Variants in CDK11A observed in about 807,000 individuals in gnomAD.
CDK11A encodes the protein cyclin dependent kinase 11A.
In CDK11A, 55 loss-of-function variants were observed where a neutral mutation model predicts 83.6. That is an observed-to-expected ratio of 0.66 (90% CI 0.53 to 0.82). CDK11A has a LOEUF of 0.82. Ranked by LOEUF, CDK11A falls within the 40% of genes least tolerant of loss-of-function variation. CDK11A has a pLI of 0.00. For missense variants in CDK11A, 564 were observed against 810.1 expected (o/e 0.70, Z 3.69); for synonymous variants, 247 against 302.7 (o/e 0.82, Z 1.91).
In CDK11A at chr1:1,705,004, C is replaced by T. The variant is rs376481107; in HGVS notation, c.1358G>A (p.Arg453Gln). Residue 453 changes from arginine to glutamine, a missense_variant, in exon 13 of 20, where the codon CGG (arginine) becomes CAG (glutamine). Physicochemically the swap from Arg to Gln is conservative, Grantham distance 43. Transcript: ENST00000404249. ...KKTDEIVALK[R>Q]LKMEKEKEGF... ...CTCCTTCTCCTTCTCCATCTTCAGCCGCTTTAGAGCCACAATTTCATCTGT... is the reference window on the plus strand; with the variant it reads ...CTCCTTCTCCTTCTCCATCTTCAGCTGCTTTAGAGCCACAATTTCATCTGT... 27 of 1,596,952 alleles carry T rather than the reference C, an allele frequency of 1.7e-5. 2 individuals carry two copies. The African/African-American group carries it at 2.2e-4, about 13-fold the overall frequency.
rs548826115 is a variant in CDK11A at position 1,707,418 on chromosome 1, C to T, written c.1236G>A (p.Pro412=). The T allele has an allele frequency of 1.2e-4, 185 of 1,607,758 alleles. 8 individuals are homozygous for T. The Middle Eastern group carries it at 1.8e-3, about 16-fold the overall frequency. Residue 412 remains proline, a synonymous_variant, in exon 11 of 20, where the codon CCG becomes CCA. Transcript: ENST00000404249. ...GAGGGGAGGGCCTGACCTGCAGGGC[C>T]GGCAGGTACTTGGGCAGCTCCTGCT... ...ELKQELPKYL[P]ALQGCRSVEE...
At chr1:1,719,615 CT>C (rs750830146) in intron 3 of CDK11A, among the ~76,000 whole-genome samples, 160 bp from the exon 4 acceptor site, 931 of 45,988 alleles carry the variant, frequency 0.02, 19 homozygotes, top group African/African-American at 0.028. Context: ...CTTCAGGCAT[CT>C]TTTTTTTTTT....
In CDK11A at chr1:1,703,862, C is replaced by T. The variant is rs377624799; in HGVS notation, c.1873G>A (p.Gly625Arg). The change falls in exon 17 of 20, where the codon GGG (glycine) becomes AGG (arginine). Residue 625 changes from glycine (G) to arginine (R), a missense_variant. By Grantham distance (125) the Gly-to-Arg change is moderately radical. Around this residue, in one of 5 missense-constraint regions of CDK11A, gnomAD observed 361 missense variants for 402.7 expected, o/e 0.90. Coordinates refer to ENST00000404249, the MANE Select transcript of CDK11A (RefSeq NM_024011.4). ...ELLTQKPLFP[G>R]NSEIDQINKV... ...TTGATCTGATCGATTTCCGAATTCCCGGGGAACAGAGGCTTCTGAGTCAGC... is the reference window on the plus strand; with the variant it reads ...TTGATCTGATCGATTTCCGAATTCCTGGGGAACAGAGGCTTCTGAGTCAGC... 1.6e-5 allele frequency: 26 copies of T among 1,609,656 alleles called. No homozygotes were observed. The African/African-American group carries it at 2.0e-4, about 12-fold the overall frequency.
In CDK11A at chr1:1,704,134, C is replaced by G. The variant is rs1457075047; in HGVS notation, c.1699G>C (p.Gly567Arg). 1.2e-6 allele frequency: 2 copies of G among 1,605,382 alleles called. No individual in the cohort carries two copies. Among genetic ancestry groups the G allele is most frequent in the Non-Finnish European group, 1.7e-6 (2 of 1,174,928 alleles). Residue 567 changes from glycine (G) to arginine (R), a missense_variant, in exon 16 of 20, where the codon GGG (glycine) becomes CGG (arginine). Coordinates refer to ENST00000404249, the MANE Select transcript of CDK11A (RefSeq NM_024011.4). ...GGGGATCCGTACTCCCGCGCCAGCC[C>G]AAAATCACCCACCTGCAACGACAGA... is the stretch of plus-strand genomic sequence containing the variant. ...HAGILKVGDFGLAREYGSPLK... is the reference protein window; with the variant it reads ...HAGILKVGDFRLAREYGSPLK...
chr1:1,705,932 C>G (rs1413529881), intron 11 of CDK11A, among the ~76,000 whole-genome samples, 200 bp from the exon 12 acceptor site: 1 of 145,058 alleles, frequency 6.9e-6, no homozygotes, highest in Non-Finnish European at 1.5e-5. Flanking sequence ...TATTATGAAA[C>G]AAAACCAGTG....
chr1:1,712,057 G>T (rs1240537309), intron 6 of CDK11A, among the ~76,000 whole-genome samples: 2 of 120,306 alleles, frequency 1.7e-5, no homozygotes, highest in East Asian at 4.7e-4. Flanking sequence ...TTGAACCCGG[G>T]GGGCAGAGGG....
At chr1:1,714,905 A>G (rs1644581323) in intron 5 of CDK11A, among the ~76,000 whole-genome samples, 1 of 148,896 alleles carries the variant, frequency 6.7e-6, no homozygotes, top group Non-Finnish European at 1.5e-5. Flanking sequence ...TCCCAACCAC[A>G]CTGTACTTCA....
In CDK11A at chr1:1,703,904, A is replaced by G. The variant is rs1219804561; in HGVS notation, c.1831T>C (p.Cys611Arg). ...STAVDMWSVGCIFGELLTQKP... is the reference protein window; with the variant it reads ...STAVDMWSVGRIFGELLTQKP... ...TGAGTCAGCAGCTCCCCGAAGATGC[A>G]GCCCACTGACCACATGTCCACGGCC... Residue 611 changes from cysteine (C) to arginine (R), a missense_variant, in exon 17 of 20, where the codon TGC becomes CGC. Coordinates refer to ENST00000404249, the MANE Select transcript of CDK11A (RefSeq NM_024011.4). 1 of 1,609,682 alleles carries G rather than the reference A, an allele frequency of 6.2e-7. No individual in the cohort carries two copies. Among genetic ancestry groups the G allele is most frequent in the Non-Finnish European group, 8.5e-7 (1 of 1,176,950 alleles).
rs576602267 is a variant in CDK11A, at chr1:1,704,936, T to C, written c.1426A>G (p.Lys476Glu). The C allele has an allele frequency of 3.8e-5, 61 of 1,596,032 alleles. 3 individuals are homozygous for C. The highest frequency in any genetic ancestry group is 4.6e-5 in the Non-Finnish European group (54 of 1,172,692). ...GTGACAATGTTGGGATGCTGGGCCT[T>C]GAGGATGGTGTTGATCTCCCTCAGG... ...TSLREINTILKAQHPNIVTVR... is the reference protein window; with the variant it reads ...TSLREINTILEAQHPNIVTVR... Residue 476 changes from lysine to glutamate, a missense_variant, in exon 13 of 20, where the codon AAG becomes GAG. Transcript: ENST00000404249.
In CDK11A at chr1:1,704,943, G is replaced by T. The variant is rs766647963; in HGVS notation, c.1419C>A (p.Thr473=). The T allele has an allele frequency of 4.9e-5, 79 of 1,597,306 alleles. 4 individuals are homozygous for T. The highest frequency in any genetic ancestry group is 6.5e-5 in the Non-Finnish European group (76 of 1,173,002). The change falls in exon 13 of 20, where the codon ACC becomes ACA. Residue 473 remains threonine, a synonymous_variant. Coordinates refer to ENST00000404249, the MANE Select transcript of CDK11A (RefSeq NM_024011.4). ...TGTTGGGATGCTGGGCCTTGAGGAT[G>T]GTGTTGATCTCCCTCAGGGACGTGA... ...FPITSLREIN[T]ILKAQHPNIV...
At position 1,704,348 on chromosome 1, in the gene CDK11A, G is replaced by T. The variant is rs576141673; in HGVS notation, c.1565-4C>A. ...ATCATCAGGGTCTTCACCTCCCCTGGGAGGGAGGGAGGCTCCCATGTGGAC... is the reference window on the plus strand; with the variant it reads ...ATCATCAGGGTCTTCACCTCCCCTGTGAGGGAGGGAGGCTCCCATGTGGAC... On this transcript the variant is annotated splice_polypyrimidine_tract_variant and splice_region_variant and intron_variant, in intron 14 of 19. Transcript: ENST00000404249. The T allele has an allele frequency of 1.9e-6, 3 of 1,606,664 alleles. No individual in the cohort carries two copies. Among genetic ancestry groups the T allele is most frequent in the South Asian group, 2.2e-5 (2 of 90,540 alleles).
At chr1:1,717,554 C>G (rs1644713836) in intron 4 of CDK11A, among the ~76,000 whole-genome samples, 1 of 151,254 alleles carries the variant, frequency 6.6e-6, no homozygotes, top group Non-Finnish European at 1.5e-5. Context: ...GGAGAGAAAA[C>G]CCCAGAGGAA....
intron 5 of CDK11A, among the ~76,000 whole-genome samples, chr1:1,714,755 G>C (rs1336402702): frequency 2.3e-4 from 32 of 137,630 alleles, no homozygotes; most frequent in Middle Eastern, 3.7e-3. Flanking sequence ...TGAACGTTCA[G>C]GCGTCATTCG....
In CDK11A at chr1:1,716,443, G is replaced by A. The variant is rs371899640; in HGVS notation, c.391C>T (p.Arg131Cys). The A allele has an allele frequency of 6.8e-6, 11 of 1,608,260 alleles. No individual in the cohort carries two copies. The highest frequency in any genetic ancestry group is 1.1e-5 in the South Asian group (1 of 90,728). Residue 131 changes from arginine to cysteine, a missense_variant, in exon 5 of 20, where the codon CGT becomes TGT. Coordinates refer to ENST00000404249, the MANE Select transcript of CDK11A (RefSeq NM_024011.4). ...HARVKEREHERRKRHREEQDK... is the reference protein window; with the variant it reads ...HARVKEREHECRKRHREEQDK... ...TGTTCTTCTCGATGTCGTTTCCGAC[G>A]TTCGTGCTCTCTTTCTTTCACTCTA...
Position 1,721,579 on chromosome 1 carries a change from T to A in CDK11A, c.227+17A>T. 6.2e-7 allele frequency: 1 copy of A among 1,603,314 alleles called. No individual in the cohort carries two copies. Among genetic ancestry groups the A allele is most frequent in the Non-Finnish European group, 8.5e-7 (1 of 1,172,366 alleles). ...GCTGTGTACAGTTGGGTCTTGCACA[T>A]CTGTACATCCGCTCACCTGTCTTCC... On this transcript the variant is annotated intron_variant, in intron 3 of 19. Coordinates refer to ENST00000404249, the MANE Select transcript of CDK11A (RefSeq NM_024011.4).
chr1:1,718,794 G>A (rs1015377645), intron 4 of CDK11A, among the ~76,000 whole-genome samples: 7 of 150,626 alleles, frequency 4.6e-5, no homozygotes, highest in African/African-American at 1.2e-4. Flanking sequence ...CCGCCACCAC[G>A]CCCGGCTAAT....
At position 1,722,720 on chromosome 1, in the gene CDK11A, T is replaced by C; in HGVS notation, c.99A>G (p.Lys33=). 3 of 1,546,670 alleles carry C rather than the reference T, an allele frequency of 1.9e-6. No homozygotes were observed. The highest frequency in any genetic ancestry group is 2.6e-6 in the Non-Finnish European group (3 of 1,145,380). The change falls in exon 2 of 20, where the codon AAA becomes AAG. Residue 33 remains lysine (K), a synonymous_variant. Transcript: ENST00000404249. ...RKEQEEKAEI[K]RLKNSDDRDS... is the part of the protein sequence containing the mutation. ...AAATATGGCTTACATTTTTTAAGCGTTTTATCTCTGCTTTCTCCTCTTGTT... is the reference window on the plus strand; with the variant it reads ...AAATATGGCTTACATTTTTTAAGCGCTTTATCTCTGCTTTCTCCTCTTGTT...
At position 1,703,563 on chromosome 1, in the gene CDK11A, T is replaced by TC; in HGVS notation, c.1972_1973insG (p.Lys658ArgfsTer43). 6.4e-7 allele frequency: 1 copy of TC among 1,571,534 alleles called. No individual in the cohort carries two copies. The highest frequency in any genetic ancestry group is 8.5e-7 in the Non-Finnish European group (1 of 1,169,696). On this transcript the variant is annotated frameshift_variant, in exon 18 of 20. Transcript: ENST00000404249. LOFTEE classifies it high-confidence loss of function. ...GTAGGGGTGCTCGCTGAAGGTCATC[T>TC]TTTTGACTACTGGGAGCTCACTGTA... is the stretch of plus-strand genomic sequence containing the variant.
At position 1,702,574 on chromosome 1, in the gene CDK11A, G is replaced by T. The variant is rs1168523582; in HGVS notation, c.*333C>A. ...ACAGAAACAGGTCTCCAGCTCCGAAGATTAAACAATCCACCCGGCTCCCAC... is the reference window on the plus strand; with the variant it reads ...ACAGAAACAGGTCTCCAGCTCCGAATATTAAACAATCCACCCGGCTCCCAC... On this transcript the variant is annotated 3_prime_UTR_variant, in exon 20 of 20. Coordinates refer to ENST00000404249, the MANE Select transcript of CDK11A (RefSeq NM_024011.4). Among the ~76,000 whole-genome samples the T allele has an allele frequency of 1.6e-5, 2 of 124,130 alleles. No individual in the cohort carries two copies. The highest frequency in any genetic ancestry group is 3.6e-5 in the Non-Finnish European group (2 of 55,612). The allele number at this position is 124,130 out of a possible 152,430, so 81.4% of individuals were successfully genotyped here.
Sources: allele counts gnomAD v4.1 joint callset (sites outside exome capture counted in the v4.1 genomes callset), GRCh38; gene constraint gnomAD v4.1.1; regional missense constraint gnomAD v4.1.1; transcripts MANE v1.5; gene names NCBI Gene and HGNC (gene_info 2026-07-23, HGNC 2026-07-21).